Variants in TMEM117 observed in about 807,000 individuals in gnomAD.
TMEM117 encodes transmembrane protein 117.
Under a neutral mutation model 52.4 loss-of-function variants are expected in TMEM117, and 27 were observed. That is an observed-to-expected ratio of 0.51 (90% CI 0.38 to 0.71). TMEM117 has a LOEUF of 0.71. Among genes scored for constraint, TMEM117 ranks in the 30% least tolerant of loss-of-function variants. The pLI is 0.00. For missense variants in TMEM117, 556 were observed against 630.5 expected (o/e 0.88, Z 1.26); for synonymous variants, 215 against 206.3 (o/e 1.04, Z -0.36).
intron 2 of TMEM117, among the ~76,000 whole-genome samples, chr12:43,935,021 T>TG (rs1170761872): frequency 6.6e-6 from 1 of 152,166 alleles, no homozygotes; most frequent in African/African-American, 2.4e-5. Flanking sequence ...TTTATTTTTT[T>TG]GTTTGAGGCA....
intron 3 of TMEM117, among the ~76,000 whole-genome samples, chr12:44,035,563 G>C (rs1399336216): frequency 1.3e-5 from 2 of 152,202 alleles, no homozygotes; most frequent in African/African-American, 4.8e-5. Context: ...CCAGCCAGGA[G>C]ATGACTACAT....
At chr12:43,816,692 T>G in the TMEM117 span, among the ~76,000 whole-genome samples, 1 of 152,216 alleles carries the variant, frequency 6.6e-6, no homozygotes, top group Non-Finnish European at 1.5e-5. Context: ...ACCTCGGTGA[T>G]TTGATTCAAG....
chr12:44,390,839 C>G (rs1188274271), downstream of TMEM117, among the ~76,000 whole-genome samples: 1 of 151,852 alleles, frequency 6.6e-6, no homozygotes, highest in Admixed American at 6.6e-5. Context: ...GCATTTATAC[C>G]AAGTAAAGAT....
chr12:43,819,422 G>A, the TMEM117 span, among the ~76,000 whole-genome samples: 30 of 152,272 alleles, frequency 2.0e-4, no homozygotes, highest in African/African-American at 6.5e-4. Flanking sequence ...TTTCAGAAGA[G>A]ATGTCTGACC....
At chr12:43,879,349 A>G (rs1043906200) in intron 2 of TMEM117, among the ~76,000 whole-genome samples, 1 of 152,252 alleles carries the variant, frequency 6.6e-6, no homozygotes, top group Non-Finnish European at 1.5e-5. Context: ...CATGGGGGTC[A>G]TTGGTGACTA....
chr12:43,933,051 T>C (rs1252386254), intron 2 of TMEM117, among the ~76,000 whole-genome samples: 1 of 152,200 alleles, frequency 6.6e-6, no homozygotes, highest in African/African-American at 2.4e-5. Flanking sequence ...GGGACTATTC[T>C]TGACAATTTA....
intron 3 of TMEM117, among the ~76,000 whole-genome samples, chr12:43,968,230 T>TCGGTGACA: frequency 6.6e-6 from 1 of 151,482 alleles, no homozygotes; most frequent in South Asian, 2.1e-4. Context: ...GAGAACACCT[T>TCGGTGACA]CAGTGACATT....
intron 2 of TMEM117, among the ~76,000 whole-genome samples, chr12:43,853,768 G>A (rs763810942): frequency 6.6e-6 from 1 of 152,232 alleles, no homozygotes. Flanking sequence ...TGGACTGTGA[G>A]TGCTGTGAGA....
chr12:43,825,021 G>A, the TMEM117 span, among the ~76,000 whole-genome samples: 11 of 152,242 alleles, frequency 7.2e-5, no homozygotes, highest in African/African-American at 2.7e-4. Flanking sequence ...GCAACCAGGT[G>A]GGGAACTTAA....
chr12:44,329,365 G>T (rs550137775), intron 6 of TMEM117, among the ~76,000 whole-genome samples: 5 of 152,224 alleles, frequency 3.3e-5, no homozygotes, highest in African/African-American at 1.2e-4. Flanking sequence ...ATTTAAAGCA[G>T]TGGAGGTGAG....
intron 5 of TMEM117, among the ~76,000 whole-genome samples, chr12:44,252,350 A>G (rs900198360): frequency 5.3e-5 from 8 of 152,242 alleles, no homozygotes; most frequent in African/African-American, 1.7e-4. Context: ...TTAAAAATAC[A>G]AAAATTAGCC....
chr12:43,921,796 A>G (rs1221753229), intron 2 of TMEM117, among the ~76,000 whole-genome samples: 1 of 152,138 alleles, frequency 6.6e-6, no homozygotes, highest in Non-Finnish European at 1.5e-5. Context: ...TAGGTTCTGC[A>G]TAGAGAGTCA....
intron 3 of TMEM117, among the ~76,000 whole-genome samples, chr12:44,003,974 T>C (rs1007914587): frequency 6.6e-6 from 1 of 152,210 alleles, no homozygotes; most frequent in African/African-American, 2.4e-5. Context: ...TCTGGTCCTG[T>C]TCTACAACCT....
At chr12:44,161,889 G>T (rs890058240) in intron 4 of TMEM117, among the ~76,000 whole-genome samples, 2 of 152,096 alleles carry the variant, frequency 1.3e-5, no homozygotes, top group Non-Finnish European at 1.5e-5. Context: ...ATTCAGGAAG[G>T]TGAGAATTAT....
At chr12:43,824,843 G>C in the TMEM117 span, among the ~76,000 whole-genome samples, 1 of 152,288 alleles carries the variant, frequency 6.6e-6, no homozygotes, top group Middle Eastern at 3.4e-3. Context: ...GCAGAATGGT[G>C]TGAACCCGGG....
At chr12:44,191,394 T>C (rs112622146) in intron 4 of TMEM117, among the ~76,000 whole-genome samples, 3 of 152,292 alleles carry the variant, frequency 2.0e-5, no homozygotes, top group African/African-American at 7.2e-5. Context: ...TGTCTATCTA[T>C]GTATCAATCA....
chr12:43,980,513 C>G (rs547788614), intron 3 of TMEM117, among the ~76,000 whole-genome samples: 171 of 152,284 alleles, frequency 1.1e-3, no homozygotes, highest in Non-Finnish European at 2.0e-3. Flanking sequence ...CTTTTATATA[C>G]TGTTGCTCTT....
intron 5 of TMEM117, among the ~76,000 whole-genome samples, chr12:44,245,826 G>C (rs906935187): frequency 6.6e-6 from 1 of 151,994 alleles, no homozygotes. Context: ...AATCAGTCAG[G>C]AAAACAGAAC....
At chr12:44,152,034 ATATAT>A (rs1592561295) in intron 4 of TMEM117, among the ~76,000 whole-genome samples, 1 of 119,364 alleles carries the variant, frequency 8.4e-6, no homozygotes, top group East Asian at 2.5e-4. Context: ...AATATGTAAT[ATATAT>A]TATATTAATC....
Sources: allele counts gnomAD v4.1 joint callset (sites outside exome capture counted in the v4.1 genomes callset), GRCh38; gene constraint gnomAD v4.1.1; transcripts MANE v1.5; gene names NCBI Gene and HGNC (gene_info 2026-07-23, HGNC 2026-07-21).